CSMD1: variants seen among roughly 807,000 people sequenced by gnomAD.
CSMD1 encodes the protein CUB and Sushi multiple domains 1.
Under a neutral mutation model 417.5 loss-of-function variants are expected in CSMD1, and 213 were observed. That is an observed-to-expected ratio of 0.51 (90% CI 0.46 to 0.57). The LOEUF (loss-of-function observed/expected upper bound fraction) is 0.57. Ranked by LOEUF, CSMD1 falls within the 20% of genes least tolerant of loss-of-function variation. The pLI is 0.00. For synonymous variants in CSMD1, 2,862 were observed against 1,736.8 expected, an observed-to-expected ratio of 1.65 and a Z score of -16.11; for missense variants, 6,923 against 4,529.7, an observed-to-expected ratio of 1.53 and a Z score of -15.17.
intron 1 of CSMD1, among the ~76,000 whole-genome samples, chr8:4,760,588 T>C (rs1811974893): frequency 6.6e-6 from 1 of 152,198 alleles, no homozygotes; most frequent in African/African-American, 2.4e-5. Context: ...AGAATAATTA[T>C]ACCTATGAAA....
At chr8:3,644,730 G>C (rs928020041) in intron 7 of CSMD1, among the ~76,000 whole-genome samples, 16 of 151,998 alleles carry the variant, frequency 1.1e-4, no homozygotes, top group African/African-American at 3.9e-4. Context: ...GGCCTGTCAG[G>C]GGGGTGCAGT....
chr8:4,391,587 T>C (rs887360422), intron 3 of CSMD1, among the ~76,000 whole-genome samples: 4 of 151,902 alleles, frequency 2.6e-5, no homozygotes, highest in African/African-American at 9.7e-5. Context: ...GCTACCCTAT[T>C]TTTGCCCCCG....
At chr8:3,834,664 G>T (rs988484449) in intron 5 of CSMD1, among the ~76,000 whole-genome samples, 1 of 152,064 alleles carries the variant, frequency 6.6e-6, no homozygotes, top group Non-Finnish European at 1.5e-5. Context: ...CCTGATGGTG[G>T]TTTAGGGATC....
intron 1 of CSMD1, among the ~76,000 whole-genome samples, chr8:4,986,369 A>G (rs924337097): frequency 7.2e-5 from 11 of 152,240 alleles, no homozygotes; most frequent in Admixed American, 2.0e-4. Flanking sequence ...CATTTGTTAG[A>G]GATCAATGAA....
At chr8:3,201,000 C>T (rs533324012) in intron 32 of CSMD1, among the ~76,000 whole-genome samples, 6 of 152,140 alleles carry the variant, frequency 3.9e-5, no homozygotes, top group Non-Finnish European at 8.8e-5. Context: ...ATTAAACCGA[C>T]TGAATACCAT....
chr8:3,320,270 G>A (rs1481085925), intron 23 of CSMD1, among the ~76,000 whole-genome samples: 1 of 152,154 alleles, frequency 6.6e-6, no homozygotes, highest in African/African-American at 2.4e-5. Context: ...GGAGACAACT[G>A]AGTTCTTCCC....
intron 1 of CSMD1, among the ~76,000 whole-genome samples, chr8:4,822,489 G>C (rs1399270183): frequency 1.3e-5 from 2 of 152,052 alleles, no homozygotes; most frequent in African/African-American, 4.8e-5. Flanking sequence ...ACCCGATGGA[G>C]ATGTTTCTCA....
chr8:4,636,264 A>G (rs1563355968), intron 2 of CSMD1, among the ~76,000 whole-genome samples: 1 of 152,298 alleles, frequency 6.6e-6, no homozygotes, highest in South Asian at 2.1e-4. Flanking sequence ...ATTGAAAACA[A>G]AAAGTAGATA....
chr8:3,072,791 G>C (rs1813405696), intron 49 of CSMD1, among the ~76,000 whole-genome samples: 1 of 152,162 alleles, frequency 6.6e-6, no homozygotes, highest in African/African-American at 2.4e-5. Context: ...AGCACAGCTT[G>C]CCGAATATCT....
chr8:4,527,981 T>C (rs1309399645), intron 2 of CSMD1, among the ~76,000 whole-genome samples: 2 of 152,168 alleles, frequency 1.3e-5, no homozygotes, highest in Non-Finnish European at 2.9e-5. Context: ...CTCTATAGAA[T>C]CCATGGCTCT....
intron 10 of CSMD1, among the ~76,000 whole-genome samples, chr8:3,508,899 C>T (rs767193486): frequency 2.6e-4 from 40 of 152,248 alleles, no homozygotes; most frequent in Non-Finnish European, 5.6e-4. Flanking sequence ...CAGGAATGAT[C>T]CATGGACCCT....
At chr8:3,783,554 G>A (rs1044664847) in intron 5 of CSMD1, among the ~76,000 whole-genome samples, 2 of 152,230 alleles carry the variant, frequency 1.3e-5, no homozygotes, top group African/African-American at 4.8e-5. Flanking sequence ...GGGCACAGGA[G>A]GAAGCACCAC....
At chr8:4,554,362 C>A (rs1225749006) in intron 2 of CSMD1, among the ~76,000 whole-genome samples, 1 of 152,154 alleles carries the variant, frequency 6.6e-6, no homozygotes, top group African/African-American at 2.4e-5. Context: ...GTCTGAAACT[C>A]CTGACCTCAG....
intron 9 of CSMD1, among the ~76,000 whole-genome samples, chr8:3,576,832 C>G (rs1219031659): frequency 4.6e-5 from 7 of 152,176 alleles, no homozygotes. Context: ...CATTATCCAA[C>G]TAGAAAACCT....
At chr8:4,524,173 G>T (rs995462464) in intron 2 of CSMD1, among the ~76,000 whole-genome samples, 1 of 151,836 alleles carries the variant, frequency 6.6e-6, no homozygotes, top group Non-Finnish European at 1.5e-5. Context: ...TATAAAGAAA[G>T]CAGTGGGGGA....
chr8:4,382,985 C>T (rs1803202302), intron 3 of CSMD1, among the ~76,000 whole-genome samples: 1 of 152,176 alleles, frequency 6.6e-6, no homozygotes, highest in Non-Finnish European at 1.5e-5. Flanking sequence ...TGAGAGGTCG[C>T]ACCATCGTCT....
chr8:4,498,389 G>T (rs1325168696), intron 2 of CSMD1, among the ~76,000 whole-genome samples: 1 of 151,914 alleles, frequency 6.6e-6, no homozygotes, highest in Admixed American at 6.6e-5. Context: ...GCATATTTTT[G>T]TATATATTTC....
rs146003315 is a variant in CSMD1 at position 3,202,601 on chromosome 8, T to A, written c.4985-876A>T. Among the ~76,000 whole-genome samples the A allele has an allele frequency of 3.7e-3, 564 of 152,338 alleles. 2 individuals carry two copies. The highest frequency in any genetic ancestry group is 5.9e-3 in the Non-Finnish European group (399 of 68,036). ...ACAAGCAATGAACAACTAATTCTTT[T>A]CTTATTTATTGTAAGATTTGCACTA... On this transcript the variant is annotated intron_variant, in intron 31 of 69. Coordinates refer to ENST00000635120, the MANE Select transcript of CSMD1 (RefSeq NM_033225.6).
intron 3 of CSMD1, among the ~76,000 whole-genome samples, chr8:4,111,964 A>G (rs891825109): frequency 6.6e-6 from 1 of 151,688 alleles, no homozygotes; most frequent in Non-Finnish European, 1.5e-5. Flanking sequence ...CTGTAATTTT[A>G]CATACATAGT....
Sources: allele counts gnomAD v4.1 joint callset (sites outside exome capture counted in the v4.1 genomes callset), GRCh38; gene constraint gnomAD v4.1.1; transcripts MANE v1.5; gene names NCBI Gene and HGNC (gene_info 2026-07-23, HGNC 2026-07-21).